OTOGL: variants seen among roughly 807,000 people sequenced by gnomAD.
OTOGL encodes the protein otogelin-like protein.
Under a neutral mutation model 318.5 loss-of-function variants are expected in OTOGL, and 285 were observed. That is an observed-to-expected ratio of 0.89 (90% confidence interval 0.81 to 0.99). OTOGL has a LOEUF of 0.99. OTOGL is among the 50% of genes least tolerant of loss of function. The pLI, the probability that OTOGL is intolerant of heterozygous loss-of-function variation, is 0.00. For missense variants in OTOGL, 2,899 were observed against 2,845.6 expected (o/e 1.02, Z -0.43); for synonymous variants, 987 against 936.5 (o/e 1.05, Z -0.99).
intron 50 of OTOGL, 56 bp downstream of exon 50, chr12:80,358,405 C>A (rs1890039993): frequency 7.5e-7 from 1 of 1,339,334 alleles, no homozygotes; most frequent in Non-Finnish European, 1.0e-6. Context: ...TTTAAGAAGC[C>A]CAGTGCATCT....
Position 80,318,616 on chromosome 12 carries a change from CA to C in OTOGL, c.3706del (p.Ser1236AlafsTer21). The stretch of plus-strand genomic sequence containing the variant: ...GCCTTGTTCTGGGGGCCAATATGAC[CA>C]GCAGAAGCGTTTTCTGTTTGCCGAG... ...SGLVLGANMT[S>X]RSVFCLPRSS... On this transcript the variant is annotated frameshift_variant, in exon 33 of 59. Coordinates refer to ENST00000547103, the MANE Select transcript of OTOGL (RefSeq NM_001378609.3). LOFTEE classifies it high-confidence loss of function. 1 of 1,462,684 alleles carries C rather than the reference CA, an allele frequency of 6.8e-7. No homozygotes were observed. Among genetic ancestry groups the C allele is most frequent in the Non-Finnish European group, 9.0e-7 (1 of 1,107,866 alleles). The allele number at this position is 1,462,684 out of a possible 1,614,324, so 90.6% of individuals were successfully genotyped here.
At chr12:80,259,541 C>T (rs1020487797) in intron 18 of OTOGL, among the ~76,000 whole-genome samples, 2 of 151,802 alleles carry the variant, frequency 1.3e-5, no homozygotes, top group African/African-American at 2.4e-5. Context: ...TAGCCCCACA[C>T]CCCCAGACAG....
chr12:80,220,667 T>C (rs1878233885), intron 6 of OTOGL, among the ~76,000 whole-genome samples: 1 of 125,204 alleles, frequency 8.0e-6, no homozygotes, highest in Non-Finnish European at 1.8e-5. Context: ...GGATTCTATG[T>C]CAATAATAAT....
intron 1 of OTOGL, among the ~76,000 whole-genome samples, chr12:80,163,150 A>G (rs994293676): frequency 2.6e-5 from 4 of 152,112 alleles, no homozygotes; most frequent in Admixed American, 2.6e-4. Context: ...ATTAACTTTT[A>G]TTTAACTTAA....
At chr12:80,373,816 A>C (rs1483762440) in intron 57 of OTOGL, among the ~76,000 whole-genome samples, 1 of 152,122 alleles carries the variant, frequency 6.6e-6, no homozygotes, top group Non-Finnish European at 1.5e-5. Flanking sequence ...CTAGGAATCT[A>C]CTGCGGGTCT....
intron 1 of OTOGL, among the ~76,000 whole-genome samples, chr12:80,136,895 T>C (rs1222480618): frequency 2.0e-5 from 3 of 152,204 alleles, no homozygotes; most frequent in African/African-American, 7.2e-5. Flanking sequence ...TATTAGAATG[T>C]AAACTCCACA....
intron 46 of OTOGL, among the ~76,000 whole-genome samples, chr12:80,354,983 G>A (rs1253229489): frequency 6.6e-6 from 1 of 152,018 alleles, no homozygotes. Context: ...TGATGTAAAT[G>A]TTATATGAGG....
At chr12:80,184,419 T>G (rs896399826) in intron 1 of OTOGL, among the ~76,000 whole-genome samples, 4 of 152,210 alleles carry the variant, frequency 2.6e-5, no homozygotes, top group Non-Finnish European at 5.9e-5. Context: ...GAGTTGATAG[T>G]AAAAGACGTA....
intron 1 of OTOGL, among the ~76,000 whole-genome samples, chr12:80,126,179 T>C (rs1002141478): frequency 4.6e-5 from 7 of 152,196 alleles, no homozygotes; most frequent in Non-Finnish European, 7.3e-5. Context: ...GGGCATTTAG[T>C]GCTGTAAATT....
chr12:80,185,221 G>GGTTA (rs1875200372), intron 1 of OTOGL, among the ~76,000 whole-genome samples: 2 of 152,118 alleles, frequency 1.3e-5, no homozygotes, highest in African/African-American at 4.8e-5. Flanking sequence ...TAGGCATAGT[G>GGTTA]GTTAGGTACA....
At chr12:80,169,836 A>G (rs1481382529) in intron 1 of OTOGL, among the ~76,000 whole-genome samples, 1 of 152,212 alleles carries the variant, frequency 6.6e-6, no homozygotes, top group Non-Finnish European at 1.5e-5. Context: ...TATTGCATAT[A>G]TCGATAGTTC....
chr12:80,249,176 T>C (rs879852309), intron 11 of OTOGL, among the ~76,000 whole-genome samples: 14 of 148,276 alleles, frequency 9.4e-5, no homozygotes, highest in Middle Eastern at 3.4e-3. Context: ...GTCAAAATCA[T>C]TCTCCATCCA....
At chr12:80,143,690 G>A (rs1285694993) in intron 1 of OTOGL, among the ~76,000 whole-genome samples, 5 of 152,158 alleles carry the variant, frequency 3.3e-5, no homozygotes, top group Non-Finnish European at 5.9e-5. Context: ...AGAAGAAGAC[G>A]TTTGACGCAG....
chr12:80,292,711 C>T (rs745715546), intron 26 of OTOGL, among the ~76,000 whole-genome samples: 1 of 152,114 alleles, frequency 6.6e-6, no homozygotes, highest in African/African-American at 2.4e-5. Flanking sequence ...CTGTGGCATA[C>T]AATAATTTAA....
At chr12:80,332,072 G>A (rs920215673) in intron 37 of OTOGL, among the ~76,000 whole-genome samples, 2 of 152,112 alleles carry the variant, frequency 1.3e-5, no homozygotes, top group Admixed American at 6.6e-5. Context: ...CTCCCTTAGA[G>A]CCTCCAGAAG....
chr12:80,123,283 G>A lies in OTOGL; in HGVS notation c.-20+23678G>A, dbSNP rs1274375145. ...CCACCTATGAGTGAGAACATGTGGT[G>A]TTTGGGTTTTTGTCCTTGCGATAGT... On this transcript the variant is annotated intron_variant, in intron 1 of 58. Coordinates refer to ENST00000547103, the MANE Select transcript of OTOGL (RefSeq NM_001378609.3). Among the ~76,000 whole-genome samples, 3 of 152,026 alleles carry A rather than the reference G, an allele frequency of 2.0e-5. No homozygotes were observed. The East Asian group carries it at 5.8e-4, about 29-fold the overall frequency.
chr12:80,128,512 G>T (rs888758736), intron 1 of OTOGL, among the ~76,000 whole-genome samples: 1 of 152,198 alleles, frequency 6.6e-6, no homozygotes, highest in Non-Finnish European at 1.5e-5. Flanking sequence ...GAGGCAGTCT[G>T]CCTGTTCTCA....
At chr12:80,343,121 C>T (rs988048395) in intron 44 of OTOGL, among the ~76,000 whole-genome samples, 1 of 152,144 alleles carries the variant, frequency 6.6e-6, no homozygotes, top group Admixed American at 6.5e-5. Context: ...TGATCACCCA[C>T]CTCAGCCTCC....
chr12:80,259,545 C>A (rs969876877), intron 18 of OTOGL, among the ~76,000 whole-genome samples: 10 of 151,860 alleles, frequency 6.6e-5, no homozygotes, highest in Non-Finnish European at 7.4e-5. Context: ...CCCACACCCC[C>A]AGACAGGCCC....
Sources: gnomAD v4.1 joint callset for allele counts (sites outside exome capture counted in the v4.1 genomes callset) on GRCh38, gnomAD v4.1.1 for gene constraint, MANE v1.5 for transcripts, NCBI Gene and HGNC (gene_info 2026-07-23, HGNC 2026-07-21) for gene names.